Variants in CFAP221 observed in about 807,000 individuals in gnomAD.
CFAP221 encodes the protein cilia- and flagella-associated protein 221.
CFAP221 carries 97 observed loss-of-function variants against 113.1 expected under a neutral mutation model. The observed-to-expected ratio is 0.86, with a 90% CI of 0.73 to 1.02. The LOEUF is 1.02. Among genes scored for constraint, CFAP221 ranks in the 50% least tolerant of loss-of-function variants. The probability of loss-of-function intolerance (pLI) is 0.00; values close to 1 mark genes in which losing one functional copy is unlikely to be tolerated. For synonymous variants in CFAP221, 331 were observed against 354.4 expected, an observed-to-expected ratio of 0.93 and a Z score of 0.74; for missense variants, 1,025 against 1,013.4, an observed-to-expected ratio of 1.01 and a Z score of -0.16.
chr2:119,650,455 A>G (rs1688058252), intron 22 of CFAP221, among the ~76,000 whole-genome samples: 1 of 152,256 alleles, frequency 6.6e-6, no homozygotes, highest in Non-Finnish European at 1.5e-5. Flanking sequence ...TTCAGCAGAT[A>G]CAAACATACC....
At chr2:119,611,611 A>G in intron 12 of CFAP221, 42 bp from the exon 13 acceptor site, 4 of 1,536,218 alleles carry the variant, frequency 2.6e-6, no homozygotes, top group Non-Finnish European at 3.6e-6. Flanking sequence ...TGTTTTACGC[A>G]TTTATATTCA....
intron 6 of CFAP221, 49 bp downstream of exon 6, chr2:119,562,163 A>G: frequency 1.6e-6 from 2 of 1,286,074 alleles, no homozygotes; most frequent in Non-Finnish European, 2.2e-6. Context: ...AAAAACTAAG[A>G]GATACTCATA....
intron 3 of CFAP221, among the ~76,000 whole-genome samples, chr2:119,557,644 G>C (rs1332095683): frequency 1.3e-5 from 2 of 152,124 alleles, no homozygotes; most frequent in Non-Finnish European, 2.9e-5. Context: ...TGGCATAATT[G>C]AAACACTCTG....
chr2:119,606,370 C>T (rs931037567), intron 11 of CFAP221, among the ~76,000 whole-genome samples: 2 of 152,020 alleles, frequency 1.3e-5, no homozygotes, highest in African/African-American at 2.4e-5. Flanking sequence ...CATGACCCAG[C>T]CTCCACCCTT....
chr2:119,609,092 G>A (rs199992021), intron 12 of CFAP221, among the ~76,000 whole-genome samples: 1 of 152,208 alleles, frequency 6.6e-6, no homozygotes, highest in Non-Finnish European at 1.5e-5. Flanking sequence ...GACCACACCT[G>A]GGGTGCCAAG....
chr2:119,651,341 A>G (rs1688116654), intron 22 of CFAP221, among the ~76,000 whole-genome samples: 1 of 152,056 alleles, frequency 6.6e-6, no homozygotes, highest in Non-Finnish European at 1.5e-5. Flanking sequence ...ACACCCATTC[A>G]CTTACGTATT....
At chr2:119,609,708 G>A (rs948824578) in intron 12 of CFAP221, among the ~76,000 whole-genome samples, 6 of 152,146 alleles carry the variant, frequency 3.9e-5, no homozygotes, top group South Asian at 4.1e-4. Context: ...CAGGAATTTC[G>A]AAGGGACACA....
In CFAP221 at chr2:119,615,722, AC is replaced by A; in HGVS notation, c.1410+15del. On this transcript the variant is annotated intron_variant, in intron 14 of 23. Coordinates refer to ENST00000413369, the MANE Select transcript of CFAP221 (RefSeq NM_001271049.2). ...AGTAGCACGCAAGGTAAGTCTCAGC[AC>A]CAGCTGGAAATGTTGATTTGTTTAC... is the stretch of plus-strand genomic sequence containing the variant. 6.3e-7 allele frequency: 1 copy of A among 1,580,902 alleles called. No homozygotes were observed. The highest frequency in any genetic ancestry group is 8.7e-7 in the Non-Finnish European group (1 of 1,155,206).
chr2:119,618,070 T>C (rs1685645158), intron 14 of CFAP221, among the ~76,000 whole-genome samples: 1 of 152,184 alleles, frequency 6.6e-6, no homozygotes, highest in South Asian at 2.1e-4. Context: ...CCTCCAGTCA[T>C]GGCCTCAGGC....
At chr2:119,652,125 G>A in intron 23 of CFAP221, 56 bp downstream of exon 23, 1 of 1,402,356 alleles carries the variant, frequency 7.1e-7, no homozygotes, top group Non-Finnish European at 1.0e-6. Flanking sequence ...AATTTGTTCT[G>A]CATAAAGTAC....
chr2:119,638,070 A>G lies in CFAP221; in HGVS notation c.1975-189A>G, dbSNP rs763485735. On this transcript the variant is annotated intron_variant, in intron 19 of 23. Coordinates refer to ENST00000413369, the MANE Select transcript of CFAP221 (RefSeq NM_001271049.2). ...AGAAAAGTGACATTTATGAATGACT[A>G]TGATTTTTTAAACGCTGCCGACTTG... The G allele has an allele frequency of 3.0e-4, 130 of 429,342 alleles. 8 individuals carry two copies. The highest frequency in any genetic ancestry group is 4.8e-4 in the Non-Finnish European group (118 of 245,464). The allele number at this position is 429,342 out of a possible 1,614,324, so 26.6% of individuals were successfully genotyped here.
At chr2:119,635,028 A>G (rs1017531398) in intron 19 of CFAP221, among the ~76,000 whole-genome samples, 1 of 152,266 alleles carries the variant, frequency 6.6e-6, no homozygotes, top group African/African-American at 2.4e-5. Context: ...ATAAGAAAGC[A>G]AACAATCCAA....
intron 12 of CFAP221, among the ~76,000 whole-genome samples, chr2:119,608,945 CT>C (rs1330432023): frequency 6.6e-6 from 1 of 152,174 alleles, no homozygotes; most frequent in Non-Finnish European, 1.5e-5. Flanking sequence ...GTCCCATGAT[CT>C]ACAGAGCATG....
At chr2:119,601,513 A>T in intron 8 of CFAP221, 136 bp downstream of exon 8, 1 of 803,916 alleles carries the variant, frequency 1.2e-6, no homozygotes, top group Non-Finnish European at 1.8e-6. Flanking sequence ...AACATAAGAT[A>T]TACTGTAAAA....
intron 16 of CFAP221, among the ~76,000 whole-genome samples, chr2:119,628,294 G>GGGTGTGTGT (rs1553491014): frequency 1.5e-5 from 2 of 137,490 alleles, no homozygotes; most frequent in Non-Finnish European, 1.5e-5. Flanking sequence ...CTCTCTGGGG[G>GGGTGTGTGT]GTGTGTGTGT....
rs1200857921 is a variant in CFAP221, at chr2:119,544,466, C to CT, written c.-92_-91insT. 2.4e-4 allele frequency: 37 copies of CT among 151,924 alleles called. No homozygotes were observed. Among genetic ancestry groups the CT allele is most frequent in the African/African-American group, 8.9e-4 (37 of 41,510 alleles). 9.4% of individuals were successfully genotyped at this position (151,924 alleles called of 1,614,324 possible). On this transcript the variant is annotated 5_prime_UTR_variant, in exon 1 of 24. Coordinates refer to ENST00000413369, the MANE Select transcript of CFAP221 (RefSeq NM_001271049.2). ...GTCATGGCGACGCTCCGAGCGGGCG[C>CT]CGGCGCTGGCGCCGGCCGAATCCGG...
intron 6 of CFAP221, among the ~76,000 whole-genome samples, chr2:119,585,496 T>C (rs779606406): frequency 4.4e-4 from 67 of 152,330 alleles, no homozygotes; most frequent in Non-Finnish European, 7.9e-4. Context: ...CTTCAACTCT[T>C]TTGCAATGTT....
chr2:119,611,756 CT>C lies in CFAP221; in HGVS notation c.1311+17del. On this transcript the variant is annotated intron_variant, in intron 13 of 23. Transcript: ENST00000413369. ...AATCAAGAAGAGGTGGGTAACTTTC[CT>C]TTATTTAGAATCTGATTATTGGCAG... The C allele has an allele frequency of 6.3e-7, 1 of 1,590,100 alleles. No homozygotes were observed. Among genetic ancestry groups the C allele is most frequent in the Non-Finnish European group, 8.6e-7 (1 of 1,161,030 alleles).
rs1194780163 is a variant in CFAP221, at chr2:119,608,523, T to A, written c.1155T>A (p.Asp385Glu). 1.2e-6 allele frequency: 2 copies of A among 1,612,582 alleles called. No homozygotes were observed. Among genetic ancestry groups the A allele is most frequent in the Non-Finnish European group, 1.7e-6 (2 of 1,179,398 alleles). Reference protein sequence around the residue: ...HLKWQVHLGKDPMSFKLKKEL... With the variant: ...HLKWQVHLGKEPMSFKLKKEL... ...CCAGGCAGGTGCACCTTGGTAAAGA[T>A]CCTATGTCTTTTAAACTTAAAAAAG... Residue 385 changes from aspartate (D) to glutamate (E), a missense_variant, in exon 12 of 24, where the codon GAT (aspartate) becomes GAA (glutamate). Transcript: ENST00000413369.
Sources: allele counts gnomAD v4.1 joint callset (sites outside exome capture counted in the v4.1 genomes callset), GRCh38; gene constraint gnomAD v4.1.1; transcripts MANE v1.5; gene names NCBI Gene and HGNC (gene_info 2026-07-23, HGNC 2026-07-21).